The following PLXNA2 variants were observed in gnomAD, a reference collection of about 807,000 sequenced individuals.
PLXNA2 encodes the protein plexin A2.
In PLXNA2, 91 loss-of-function variants were observed where a neutral mutation model predicts 193.5. The ratio of observed to expected loss-of-function variants is 0.47; its 90% CI spans 0.40 to 0.56. PLXNA2 has a LOEUF of 0.56. PLXNA2 is among the 20% of genes least tolerant of loss of function. The pLI is 0.00. For synonymous variants in PLXNA2, 997 were observed against 1,027.3 expected, an observed-to-expected ratio of 0.97 and a Z score of 0.56; for missense variants, 1,995 against 2,503.2, an observed-to-expected ratio of 0.80 and a Z score of 4.33.
intron 4 of PLXNA2, among the ~76,000 whole-genome samples, chr1:208,104,077 C>T (rs1667184349): frequency 6.6e-6 from 1 of 152,206 alleles, no homozygotes; most frequent in Non-Finnish European, 1.5e-5. Flanking sequence ...TCCTAGGTAT[C>T]TGTTGCTGGC....
At chr1:208,039,007 G>A in intron 24 of PLXNA2, 23 bp from the exon 25 acceptor site, 1 of 1,609,684 alleles carries the variant, frequency 6.2e-7, no homozygotes, top group African/African-American at 1.3e-5. Flanking sequence ...GACAGAGGGT[G>A]AGCAGGACAG....
At chr1:208,186,765 TGC>T (rs2102557063) in intron 3 of PLXNA2, among the ~76,000 whole-genome samples, 1 of 144,650 alleles carries the variant, frequency 6.9e-6, no homozygotes, top group Admixed American at 6.9e-5. Flanking sequence ...CAGGCGGGAC[TGC>T]GGACTGCAGT....
chr1:208,099,505 G>T (rs1420683782), intron 5 of PLXNA2, among the ~76,000 whole-genome samples: 1 of 152,160 alleles, frequency 6.6e-6, no homozygotes, highest in Non-Finnish European at 1.5e-5. Flanking sequence ...GAGCTGAAGT[G>T]TGAATCAGCC....
At chr1:208,189,278 A>T (rs1267034901) in intron 3 of PLXNA2, among the ~76,000 whole-genome samples, 1 of 152,138 alleles carries the variant, frequency 6.6e-6, no homozygotes, top group Non-Finnish European at 1.5e-5. Flanking sequence ...ACTGTCACTC[A>T]CATGATCATG....
chr1:208,055,582 C>G (rs1388084434), intron 13 of PLXNA2, among the ~76,000 whole-genome samples: 1 of 152,142 alleles, frequency 6.6e-6, no homozygotes, highest in East Asian at 1.9e-4. Context: ...CAGTCTGGTG[C>G]TCCTGGTAGG....
intron 2 of PLXNA2, among the ~76,000 whole-genome samples, chr1:208,212,270 AT>A (rs139437303): frequency 3.2e-4 from 47 of 148,818 alleles, no homozygotes; most frequent in East Asian, 1.8e-3. Context: ...ATGGCATATG[AT>A]TTTTTTTTTT....
chr1:208,191,670 C>T lies in PLXNA2; in HGVS notation c.1371+18610G>A, dbSNP rs140461662. ...AGAGGTGAGGTTATTGTCACTATGT[C>T]GCACAGATATTAAGGGAGAGAATCA... On this transcript the variant is annotated intron_variant, in intron 3 of 31. Transcript: ENST00000367033. Among the ~76,000 whole-genome samples the T allele has an allele frequency of 5.9e-5, 9 of 152,282 alleles. No individual in the cohort carries two copies. In the East Asian group the frequency reaches 9.6e-4, roughly 16 times the overall value.
At chr1:208,224,715 G>T (rs994160633) in intron 1 of PLXNA2, among the ~76,000 whole-genome samples, 10 of 152,104 alleles carry the variant, frequency 6.6e-5, no homozygotes, top group Non-Finnish European at 8.8e-5. Context: ...AAGGTGAGAG[G>T]AGAGAGGGGA....
chr1:208,135,193 C>A (rs550375936), intron 4 of PLXNA2, among the ~76,000 whole-genome samples: 16 of 152,248 alleles, frequency 1.1e-4, no homozygotes, highest in Non-Finnish European at 1.9e-4. Context: ...CATTTAAGAC[C>A]TTCAGGAAAG....
intron 12 of PLXNA2, among the ~76,000 whole-genome samples, chr1:208,063,655 C>G (rs1665688146): frequency 6.6e-6 from 1 of 151,920 alleles, no homozygotes; most frequent in Non-Finnish European, 1.5e-5. Flanking sequence ...TGCAGTGTAC[C>G]ATGCTGCCAG....
At chr1:208,033,736 T>C (rs905412793) in intron 27 of PLXNA2, among the ~76,000 whole-genome samples, 1 of 152,230 alleles carries the variant, frequency 6.6e-6, no homozygotes, top group African/African-American at 2.4e-5. Flanking sequence ...ATAAATTTTG[T>C]GAATTAGAGA....
intron 3 of PLXNA2, among the ~76,000 whole-genome samples, chr1:208,208,244 GC>G (rs1157049330): frequency 6.6e-6 from 1 of 152,150 alleles, no homozygotes; most frequent in African/African-American, 2.4e-5. Context: ...GAAAGCACTG[GC>G]CCCTAGCTGA....
chr1:208,079,378 C>T lies in PLXNA2; in HGVS notation c.2468G>A (p.Cys823Tyr). The change falls in exon 12 of 32, where the codon TGT becomes TAT. Residue 823 changes from cysteine to tyrosine, a missense_variant. Physicochemically the swap from Cys to Tyr is radical, Grantham distance 194. Coordinates refer to ENST00000367033, the MANE Select transcript of PLXNA2 (RefSeq NM_025179.4). ...CCTGCGCTCGCCGCTGCACCAGCCA[C>T]ACTCAAACTTCCGGTCGGCCTTGAG... The part of the protein sequence containing the change: ...LCLKADRKFE[C>Y]GWCSGERRCT... 3.1e-6 allele frequency: 5 copies of T among 1,613,884 alleles called. No individual in the cohort carries two copies. The highest frequency in any genetic ancestry group is 4.2e-6 in the Non-Finnish European group (5 of 1,179,888).
intron 3 of PLXNA2, among the ~76,000 whole-genome samples, chr1:208,145,614 C>T (rs1159620885): frequency 1.3e-5 from 2 of 152,142 alleles, no homozygotes; most frequent in African/African-American, 2.4e-5. Context: ...CTCTGTGGTC[C>T]CTGGGACCAG....
chr1:208,179,874 C>A (rs536119666), intron 3 of PLXNA2, among the ~76,000 whole-genome samples: 4 of 152,256 alleles, frequency 2.6e-5, no homozygotes, highest in African/African-American at 7.2e-5. Context: ...CCCTGCCACC[C>A]CCCAACCCCT....
chr1:208,031,229 T>C (rs1184066257), intron 29 of PLXNA2: 1 of 1,082,874 alleles, frequency 9.2e-7, no homozygotes, highest in Non-Finnish European at 1.1e-6. Context: ...GAAGCTCTGC[T>C]GCAGGCTTCA....
intron 1 of PLXNA2, among the ~76,000 whole-genome samples, chr1:208,220,339 TC>T (rs141099032): frequency 0.11 from 17,403 of 152,164 alleles, 1,296 homozygotes; most frequent in Non-Finnish European, 0.16. Context: ...TATGTACCTT[TC>T]AAGTTGTCAT....
At position 208,232,980 on chromosome 1, in the gene PLXNA2, C is replaced by T. The variant is rs151212737; in HGVS notation, c.-81+10663G>A. 4.3e-3 allele frequency among the ~76,000 whole-genome samples: 654 copies of T among 152,296 alleles called. 4 individuals are homozygous for T. Among genetic ancestry groups the T allele is most frequent in the African/African-American group, 0.015 (625 of 41,548 alleles). Reference sequence around the variant, plus strand: ...GGGTGGAGACCTCAGCTATCAGCTACGATACCTTTCTGCTCTATGCAGGAA... The same window carrying T: ...GGGTGGAGACCTCAGCTATCAGCTATGATACCTTTCTGCTCTATGCAGGAA... On this transcript the variant is annotated intron_variant, in intron 1 of 31. Coordinates refer to ENST00000367033, the MANE Select transcript of PLXNA2 (RefSeq NM_025179.4).
intron 12 of PLXNA2, among the ~76,000 whole-genome samples, chr1:208,076,279 A>G (rs999154193): frequency 4.6e-5 from 7 of 151,778 alleles, no homozygotes; most frequent in Non-Finnish European, 8.8e-5. Flanking sequence ...GGATTCTGCT[A>G]TGTTGCCCAG....
Sources: gnomAD v4.1 joint callset for allele counts (sites outside exome capture counted in the v4.1 genomes callset) on GRCh38, gnomAD v4.1.1 for gene constraint, MANE v1.5 for transcripts, NCBI Gene and HGNC (gene_info 2026-07-23, HGNC 2026-07-21) for gene names.